The following HAUS5 variants were observed in gnomAD, a reference collection of about 807,000 sequenced individuals.
The protein encoded by HAUS5 is HAUS augmin-like complex subunit 5.
In HAUS5, 67 loss-of-function variants were observed where a neutral mutation model predicts 94.1. The observed-to-expected ratio is 0.71, with a 90% CI of 0.58 to 0.87. The LOEUF is 0.87. Ranked by LOEUF, HAUS5 falls within the 40% of genes least tolerant of loss-of-function variation. The probability of loss-of-function intolerance (pLI) is 0.00; values close to 1 mark genes in which losing one functional copy is unlikely to be tolerated. For missense variants in HAUS5, 739 were observed against 825.6 expected, an observed-to-expected ratio of 0.90 and a Z score of 1.29; for synonymous variants, 339 against 355.4, an observed-to-expected ratio of 0.95 and a Z score of 0.52.
At position 35,618,387 on chromosome 19, in the gene HAUS5, C is replaced by T. The variant is rs758000179; in HGVS notation, c.822-15C>T. Reference sequence around the variant, plus strand: ...CCGCAGCACGGCTCCCTCAGCAGCTCTTCCCCCACCCCAGACCCCAGGCCC... The same window carrying T: ...CCGCAGCACGGCTCCCTCAGCAGCTTTTCCCCCACCCCAGACCCCAGGCCC... On this transcript the variant is annotated splice_polypyrimidine_tract_variant and intron_variant, in intron 10 of 18. Coordinates refer to ENST00000203166, the MANE Select transcript of HAUS5 (RefSeq NM_015302.2). The T allele has an allele frequency of 1.2e-5, 19 of 1,611,214 alleles. No homozygotes were observed. The highest frequency in any genetic ancestry group is 8.9e-5 in the East Asian group (4 of 44,844).
chr19:35,614,720 A>G lies in HAUS5; in HGVS notation c.220-322A>G, dbSNP rs1181158984. Among the ~76,000 whole-genome samples the G allele has an allele frequency of 7.9e-5, 12 of 152,226 alleles. No individual in the cohort carries two copies. The South Asian group carries it at 1.0e-3, about 13-fold the overall frequency. ...GATGCTGAGGCCAGTGTGGGACCCA[A>G]TGGGTGCAAGGGGCTCATATGACAC... On this transcript the variant is annotated intron_variant, in intron 4 of 18. Transcript: ENST00000203166.
At position 35,617,205 on chromosome 19, in the gene HAUS5, G is replaced by C. The variant is rs1233485306; in HGVS notation, c.555+12G>C. On this transcript the variant is annotated intron_variant, in intron 7 of 18. Coordinates refer to ENST00000203166, the MANE Select transcript of HAUS5 (RefSeq NM_015302.2). ...AGCCCGTGGTCCTGGTAAGAGTCCT[G>C]GTCATGGGAGAAGGGGCAGGGAGCC... The C allele has an allele frequency of 6.2e-7, 1 of 1,613,230 alleles. No individual in the cohort carries two copies. The highest frequency in any genetic ancestry group is 1.3e-5 in the African/African-American group (1 of 74,918).
intron 17 of HAUS5, 65 bp downstream of exon 17, chr19:35,620,392 G>A (rs1967191757): frequency 2.0e-6 from 3 of 1,467,522 alleles, no homozygotes; most frequent in African/African-American, 2.8e-5. Flanking sequence ...GCCTCCACGA[G>A]TCCTTACCAG....
In HAUS5 at chr19:35,618,609, G is replaced by T; in HGVS notation, c.926G>T (p.Ser309Ile). 2.5e-6 allele frequency: 4 copies of T among 1,607,352 alleles called. No individual in the cohort carries two copies. In the South Asian group the frequency reaches 3.3e-5, roughly 13 times the overall value. The change falls in exon 12 of 19, where the codon AGC (serine) becomes ATC (isoleucine). Residue 309 changes from serine (S) to isoleucine (I), a missense_variant. Ser to Ile is a moderately radical substitution (Grantham distance 142). Coordinates refer to ENST00000203166, the MANE Select transcript of HAUS5 (RefSeq NM_015302.2). ...GTGGGTGTGCTGGTCTCCCAGCGGAGCACCCTCCTGAAGGAGCGGCAAGTC... is the reference window on the plus strand; with the variant it reads ...GTGGGTGTGCTGGTCTCCCAGCGGATCACCCTCCTGAAGGAGCGGCAAGTC... ...RTVGVLVSQR[S>I]TLLKERQVLT...
At chr19:35,616,331 T>C (rs1011500106) in intron 6 of HAUS5, among the ~76,000 whole-genome samples, 3 of 151,004 alleles carry the variant, frequency 2.0e-5, no homozygotes, top group East Asian at 1.9e-4. Flanking sequence ...AAAAAAAAAA[T>C]TGGGTGACCT....
chr19:35,618,394 C>T lies in HAUS5; in HGVS notation c.822-8C>T. The T allele has an allele frequency of 1.9e-6, 3 of 1,610,228 alleles. No individual in the cohort carries two copies. The highest frequency in any genetic ancestry group is 1.7e-5 in the Admixed American group (1 of 59,966). ...ACGGCTCCCTCAGCAGCTCTTCCCC[C>T]ACCCCAGACCCCAGGCCCCGGACCA... On this transcript the variant is annotated splice_polypyrimidine_tract_variant and splice_region_variant and intron_variant, in intron 10 of 18. Coordinates refer to ENST00000203166, the MANE Select transcript of HAUS5 (RefSeq NM_015302.2).
In HAUS5 at chr19:35,615,083, G is replaced by A. The variant is rs1294553433; in HGVS notation, c.261G>A (p.Leu87=). The A allele has an allele frequency of 2.5e-6, 4 of 1,606,234 alleles. No individual in the cohort carries two copies. The Admixed American group carries it at 5.1e-5, about 20-fold the overall frequency. ...AGCTGGAAGCTGCTGTGACCCGCCTGCGGGCAGAAATCCAGGAACTCGACC... is the reference window on the plus strand; with the variant it reads ...AGCTGGAAGCTGCTGTGACCCGCCTACGGGCAGAAATCCAGGAACTCGACC... The part of the protein sequence containing the change: ...KLELEAAVTR[L]RAEIQELDQS... Residue 87 remains leucine (L), a synonymous_variant, in exon 5 of 19, where the codon CTG becomes CTA. Transcript: ENST00000203166.
rs1967277355 is a variant in HAUS5 at position 35,624,658 on chromosome 19, T to C, written c.*1665T>C. 6.6e-6 allele frequency: 1 copy of C among 152,136 alleles called. No individual in the cohort carries two copies. Among genetic ancestry groups the C allele is most frequent in the African/African-American group, 2.4e-5 (1 of 41,428 alleles). 9.4% of individuals were successfully genotyped at this position (152,136 alleles called of 1,614,324 possible). A position where few individuals can be genotyped will look rare whatever the true frequency, so the allele number is the denominator to read the frequency against. On this transcript the variant is annotated 3_prime_UTR_variant, in exon 19 of 19. Coordinates refer to ENST00000203166, the MANE Select transcript of HAUS5 (RefSeq NM_015302.2). ...TTGTAGAGTCGGAGCTTTACCATGT[T>C]GGTCAGGCTGCTCTCCAACTCCTGG...
chr19:35,621,707 A>C (rs1599599711), intron 17 of HAUS5, among the ~76,000 whole-genome samples: 1 of 150,988 alleles, frequency 6.6e-6, no homozygotes, highest in East Asian at 1.9e-4. Flanking sequence ...TAATCCCCCC[A>C]CCCTCACCAG....
Position 35,615,374 on chromosome 19 carries a change from A to T in HAUS5, c.473A>T (p.Gln158Leu), listed in dbSNP as rs751916029. ...CTGCAGAATCAACTGAGGCGCCTGC[A>T]GGACATGGAGAGGTGGGCCTCAGGG... ...QRLQNQLRRLQDMERKAKVDV... is the reference protein window; with the variant it reads ...QRLQNQLRRLLDMERKAKVDV... Residue 158 changes from glutamine (Q) to leucine (L), a missense_variant, in exon 6 of 19, where the codon CAG becomes CTG. Physicochemically the swap from Gln to Leu is moderately radical, Grantham distance 113 (BLOSUM62 -2). Coordinates refer to ENST00000203166, the MANE Select transcript of HAUS5 (RefSeq NM_015302.2). 6.2e-7 allele frequency: 1 copy of T among 1,607,700 alleles called. No individual in the cohort carries two copies. Among genetic ancestry groups the T allele is most frequent in the South Asian group, 1.1e-5 (1 of 90,098 alleles).
Position 35,615,156 on chromosome 19 carries a change from T to C in HAUS5, c.325+9T>C. Reference sequence around the variant, plus strand: ...AGACACTGAGGCTCAGGGTGAGCCATGGGGCCAGAAGATGGGCACCAGAAT... The same window carrying C: ...AGACACTGAGGCTCAGGGTGAGCCACGGGGCCAGAAGATGGGCACCAGAAT... On this transcript the variant is annotated intron_variant, in intron 5 of 18. Coordinates refer to ENST00000203166, the MANE Select transcript of HAUS5 (RefSeq NM_015302.2). 6.2e-7 allele frequency: 1 copy of C among 1,611,050 alleles called. No individual in the cohort carries two copies. The highest frequency in any genetic ancestry group is 8.5e-7 in the Non-Finnish European group (1 of 1,178,496).
chr19:35,622,831 C>T, intron 18 of HAUS5, 45 bp from the exon 19 acceptor site: 1 of 1,604,266 alleles, frequency 6.2e-7, no homozygotes, highest in Non-Finnish European at 8.5e-7. Context: ...CAGGGAGGGT[C>T]TGGAGGGTCA....
At chr19:35,612,952 GAAC>G in intron 1 of HAUS5, 60 bp downstream of exon 1, 2 of 1,168,742 alleles carry the variant, frequency 1.7e-6, no homozygotes, top group Non-Finnish European at 2.4e-6. Context: ...CCGGGAGTGA[GAAC>G]TCCACCCCTC....
At chr19:35,619,116 T>A (rs1967160572) in intron 13 of HAUS5, 67 bp downstream of exon 13, 1 of 1,444,430 alleles carries the variant, frequency 6.9e-7, no homozygotes, top group Non-Finnish European at 9.2e-7. Context: ...GGCTAAGAAC[T>A]GGGCCTGAGC....
At chr19:35,615,719 G>A (rs1382277039) in intron 6 of HAUS5, among the ~76,000 whole-genome samples, 1 of 152,192 alleles carries the variant, frequency 6.6e-6, no homozygotes, top group Non-Finnish European at 1.5e-5. Context: ...GATGAGTGCT[G>A]TGAAGAAAAG....
At chr19:35,620,804 AG>A (rs1967198546) in intron 17 of HAUS5, among the ~76,000 whole-genome samples, 2 of 152,228 alleles carry the variant, frequency 1.3e-5, no homozygotes. Context: ...AGATTGAGGC[AG>A]GGGACCCACA....
chr19:35,619,894 C>T, intron 15 of HAUS5, 118 bp from the exon 16 acceptor site: 1 of 1,528,386 alleles, frequency 6.5e-7, no homozygotes, highest in Non-Finnish European at 8.8e-7. Context: ...GGGTCAGCAG[C>T]CCTGGTCTTG....
chr19:35,620,774 A>G (rs1438923126), intron 17 of HAUS5, among the ~76,000 whole-genome samples: 2 of 152,180 alleles, frequency 1.3e-5, no homozygotes, highest in East Asian at 1.9e-4. Context: ...ATGAAGCAAT[A>G]TCTTACCGAG....
intron 1 of HAUS5, 57 bp downstream of exon 1, chr19:35,612,949 T>TTCTCACTCCCG: frequency 4.2e-6 from 5 of 1,197,814 alleles, no homozygotes; most frequent in Non-Finnish European, 4.6e-6. Flanking sequence ...TCTCCGGGAG[T>TTCTCACTCCCG]GAGAACTCCA....
Sources: gnomAD v4.1 joint callset for allele counts (sites outside exome capture counted in the v4.1 genomes callset) on GRCh38, gnomAD v4.1.1 for gene constraint, MANE v1.5 for transcripts, NCBI Gene and HGNC (gene_info 2026-07-23, HGNC 2026-07-21) for gene names.